The following DLG2 variants were observed in gnomAD, a reference collection of about 807,000 sequenced individuals.
DLG2 encodes disks large homolog 2.
A neutral mutation model predicts 132.5 loss-of-function variants in DLG2; 45 were observed. The ratio of observed to expected loss-of-function variants is 0.34; its 90% CI spans 0.27 to 0.44. The LOEUF (loss-of-function observed/expected upper bound fraction) is 0.44. Among genes scored for constraint, DLG2 ranks in the 20% least tolerant of loss-of-function variants. DLG2 has a pLI of 1.00. For synonymous variants in DLG2, 424 were observed against 419.6 expected (o/e 1.01, Z -0.13); for missense variants, 1,045 against 1,196.9 (o/e 0.87, Z 1.87).
chr11:83,743,375 T>G (rs921014159), intron 18 of DLG2, among the ~76,000 whole-genome samples: 4 of 151,052 alleles, frequency 2.6e-5, no homozygotes, highest in African/African-American at 9.8e-5. Flanking sequence ...CTACTTTATA[T>G]CTCTGTCTCT....
chr11:83,463,717 C>T (rs949004282), intron 26 of DLG2, among the ~76,000 whole-genome samples: 22 of 152,156 alleles, frequency 1.4e-4, no homozygotes, highest in African/African-American at 4.1e-4. Context: ...CTTGAGCCCA[C>T]GAGGTCATGA....
At chr11:83,742,137 G>A (rs2092566151) in intron 18 of DLG2, among the ~76,000 whole-genome samples, 1 of 151,054 alleles carries the variant, frequency 6.6e-6, no homozygotes, top group Non-Finnish European at 1.5e-5. Context: ...TAAACAAATG[G>A]GTTTCAAATT....
At chr11:84,794,534 G>C (rs1347057940) in intron 6 of DLG2, among the ~76,000 whole-genome samples, 1 of 152,168 alleles carries the variant, frequency 6.6e-6, no homozygotes, top group Admixed American at 6.5e-5. Context: ...TGCTCTTGGG[G>C]GCAGGGAGCA....
chr11:84,626,234 G>A (rs2099622296), intron 6 of DLG2, among the ~76,000 whole-genome samples: 1 of 152,268 alleles, frequency 6.6e-6, no homozygotes, highest in East Asian at 1.9e-4. Flanking sequence ...TTTACATTAG[G>A]TGGAGTAAGA....
chr11:83,696,695 C>G (rs113707975), intron 18 of DLG2, among the ~76,000 whole-genome samples: 5 of 152,188 alleles, frequency 3.3e-5, no homozygotes, highest in Admixed American at 1.3e-4. Context: ...AATGAGGCAG[C>G]CTATGATTAA....
chr11:84,481,925 A>G (rs889771871), intron 7 of DLG2, among the ~76,000 whole-genome samples: 2 of 152,168 alleles, frequency 1.3e-5, no homozygotes, highest in Admixed American at 1.3e-4. Flanking sequence ...AAACTCATCT[A>G]GGTCTGTCCT....
At chr11:84,447,327 T>C (rs1329970757) in intron 7 of DLG2, among the ~76,000 whole-genome samples, 1 of 152,192 alleles carries the variant, frequency 6.6e-6, no homozygotes, top group Non-Finnish European at 1.5e-5. Context: ...ATACTGCTTT[T>C]ATTTTTATTC....
chr11:84,433,604 A>G (rs1413266384), intron 7 of DLG2, among the ~76,000 whole-genome samples: 1 of 152,252 alleles, frequency 6.6e-6, no homozygotes, highest in Admixed American at 6.5e-5. Flanking sequence ...CTTTTAAATG[A>G]AAGAATAACA....
chr11:84,003,336 T>C (rs985368393), intron 11 of DLG2, among the ~76,000 whole-genome samples: 20 of 152,198 alleles, frequency 1.3e-4, no homozygotes, highest in Non-Finnish European at 2.9e-4. Context: ...GTTTGAAAGC[T>C]GCTTTTACAT....
intron 11 of DLG2, among the ~76,000 whole-genome samples, chr11:84,019,120 T>C (rs1484949186): frequency 6.6e-6 from 1 of 152,068 alleles, no homozygotes; most frequent in Non-Finnish European, 1.5e-5. Flanking sequence ...CATTAAACAA[T>C]ATGTATTTTG....
chr11:85,568,855 T>C (rs188657051), intron 3 of DLG2, among the ~76,000 whole-genome samples: 1 of 152,262 alleles, frequency 6.6e-6, no homozygotes. Context: ...TTTGAAAAAC[T>C]GGTTTCGGTT....
chr11:84,232,102 C>T (rs1052398287), intron 8 of DLG2, among the ~76,000 whole-genome samples: 3 of 152,118 alleles, frequency 2.0e-5, no homozygotes, highest in African/African-American at 4.8e-5. Flanking sequence ...AGAAAAACTG[C>T]AACACAAGGA....
intron 3 of DLG2, among the ~76,000 whole-genome samples, chr11:85,448,481 G>C (rs564565372): frequency 2.0e-5 from 3 of 152,190 alleles, no homozygotes; most frequent in East Asian, 3.9e-4. Flanking sequence ...AAAGTTAAAA[G>C]GAAACACTAT....
intron 7 of DLG2, among the ~76,000 whole-genome samples, chr11:84,263,796 A>G (rs1471118282): frequency 2.6e-5 from 4 of 152,186 alleles, no homozygotes; most frequent in African/African-American, 4.8e-5. Flanking sequence ...TTTGTGTGAG[A>G]AGAAATTTTA....
At chr11:83,975,520 T>A (rs2154170065) in intron 12 of DLG2, among the ~76,000 whole-genome samples, 1 of 152,190 alleles carries the variant, frequency 6.6e-6, no homozygotes, top group African/African-American at 2.4e-5. Context: ...AGAGGTTTAT[T>A]GCAAAGGTAA....
At chr11:84,115,841 T>C (rs181372531) in intron 9 of DLG2, among the ~76,000 whole-genome samples, 5 of 152,340 alleles carry the variant, frequency 3.3e-5, no homozygotes, top group East Asian at 3.9e-4. Flanking sequence ...ATATATATTG[T>C]ATGAGTACCT....
At chr11:85,258,218 A>G (rs530989687) in intron 4 of DLG2, among the ~76,000 whole-genome samples, 1 of 152,278 alleles carries the variant, frequency 6.6e-6, no homozygotes, top group African/African-American at 2.4e-5. Flanking sequence ...AGAAATATCA[A>G]ATATGATTAT....
chr11:83,687,402 T>C (rs1414039193), intron 18 of DLG2, among the ~76,000 whole-genome samples: 1 of 152,144 alleles, frequency 6.6e-6, no homozygotes, highest in Non-Finnish European at 1.5e-5. Context: ...CTTCAAAGTC[T>C]ATGCACAGTG....
At chr11:85,460,634 G>A (rs980193273) in intron 3 of DLG2, among the ~76,000 whole-genome samples, 2 of 152,120 alleles carry the variant, frequency 1.3e-5, no homozygotes. Context: ...CTGTGAGAGA[G>A]GTGCACACTA....
Sources: allele counts gnomAD v4.1 joint callset (sites outside exome capture counted in the v4.1 genomes callset), GRCh38; gene constraint gnomAD v4.1.1; transcripts MANE v1.5; gene names NCBI Gene and HGNC (gene_info 2026-07-23, HGNC 2026-07-21).